Variants in JAKMIP2 observed in about 807,000 individuals in gnomAD.
JAKMIP2 encodes janus kinase and microtubule-interacting protein 2.
JAKMIP2 carries 25 observed loss-of-function variants against 115.0 expected under a neutral mutation model. That is an observed-to-expected ratio of 0.22 (90% CI 0.16 to 0.30). The LOEUF is 0.30. Ranked by LOEUF, JAKMIP2 falls within the 10% of genes least tolerant of loss-of-function variation. The pLI is 1.00. For synonymous variants in JAKMIP2, 334 were observed against 343.6 expected (o/e 0.97, Z 0.31); for missense variants, 642 against 957.6 (o/e 0.67, Z 4.35).
intron 2 of JAKMIP2, among the ~76,000 whole-genome samples, chr5:147,670,909 C>T (rs2126804757): frequency 6.6e-6 from 1 of 152,280 alleles, no homozygotes; most frequent in South Asian, 2.1e-4. Flanking sequence ...TGAGGAGTGA[C>T]AGCACTAAAC....
intron 2 of JAKMIP2, among the ~76,000 whole-genome samples, chr5:147,671,400 G>C (rs1473023532): frequency 6.6e-6 from 1 of 152,158 alleles, no homozygotes; most frequent in African/African-American, 2.4e-5. Flanking sequence ...CGGTGGTAAG[G>C]GACACTGTCT....
intron 7 of JAKMIP2, among the ~76,000 whole-genome samples, chr5:147,643,800 C>T (rs931573956): frequency 4.6e-5 from 7 of 152,156 alleles, no homozygotes; most frequent in Admixed American, 3.3e-4. Context: ...TACAACGAGG[C>T]ATTTAAAAGT....
At chr5:147,706,608 C>A (rs1297717815) in intron 1 of JAKMIP2, among the ~76,000 whole-genome samples, 1 of 152,128 alleles carries the variant, frequency 6.6e-6, no homozygotes, top group Non-Finnish European at 1.5e-5. Flanking sequence ...CACTAGAAAT[C>A]TTTGTATATT....
intron 3 of JAKMIP2, among the ~76,000 whole-genome samples, chr5:147,654,814 G>GT (rs1228456964): frequency 6.6e-6 from 1 of 152,108 alleles, no homozygotes; most frequent in Non-Finnish European, 1.5e-5. Context: ...AATTCTTCCA[G>GT]TTTTTTCCAT....
chr5:147,737,791 T>A (rs1753981010), intron 1 of JAKMIP2, among the ~76,000 whole-genome samples: 1 of 152,196 alleles, frequency 6.6e-6, no homozygotes, highest in African/African-American at 2.4e-5. Context: ...GCATGGAAAT[T>A]TAATATATAG....
intron 11 of JAKMIP2, 31 bp from the exon 12 acceptor site, chr5:147,636,315 A>T (rs780538849): frequency 1.3e-6 from 2 of 1,588,754 alleles, no homozygotes; most frequent in Non-Finnish European, 1.7e-6. Context: ...CGCAGTCAGC[A>T]TTTCAGAGTG....
intron 1 of JAKMIP2, among the ~76,000 whole-genome samples, chr5:147,708,229 A>G (rs1260882962): frequency 1.3e-5 from 2 of 152,202 alleles, no homozygotes; most frequent in African/African-American, 2.4e-5. Flanking sequence ...ATGTAAAGAA[A>G]TGTGGACCGA....
At chr5:147,736,204 C>T (rs1753916002) in intron 1 of JAKMIP2, among the ~76,000 whole-genome samples, 1 of 151,946 alleles carries the variant, frequency 6.6e-6, no homozygotes, top group Admixed American at 6.6e-5. Flanking sequence ...ACCTGTAATC[C>T]CAGCACTTTG....
intron 3 of JAKMIP2, chr5:147,660,660 GTCCT>G: frequency 2.4e-6 from 1 of 409,408 alleles, no homozygotes; most frequent in South Asian, 2.5e-5. Context: ...CATATATATG[GTCCT>G]TGGAGATACT....
Position 147,623,612 on chromosome 5 carries a change from T to C in JAKMIP2, c.2064+9A>G. On this transcript the variant is annotated intron_variant, in intron 17 of 21. Transcript: ENST00000616793. ...TCTTAATTTTTACAATATCTCATCT[T>C]GTACTTACCATGTCACTTTCCAATT... 1 of 1,574,956 alleles carries C rather than the reference T, an allele frequency of 6.3e-7. No homozygotes were observed. Among genetic ancestry groups the C allele is most frequent in the Non-Finnish European group, 8.7e-7 (1 of 1,144,442 alleles).
intron 3 of JAKMIP2, among the ~76,000 whole-genome samples, chr5:147,659,310 C>T (rs541244766): frequency 8.5e-4 from 130 of 152,240 alleles, no homozygotes; most frequent in South Asian, 1.7e-3. Context: ...GCGTGCACTT[C>T]CCACATGAAG....
At chr5:147,739,234 C>T (rs1225672654) in intron 1 of JAKMIP2, among the ~76,000 whole-genome samples, 2 of 152,078 alleles carry the variant, frequency 1.3e-5, no homozygotes, top group Non-Finnish European at 2.9e-5. Flanking sequence ...GAGAAATGCA[C>T]GAGCGGCTTT....
intron 1 of JAKMIP2, among the ~76,000 whole-genome samples, chr5:147,765,110 AT>A (rs1256715009): frequency 6.6e-6 from 1 of 151,486 alleles, no homozygotes; most frequent in Non-Finnish European, 1.5e-5. Context: ...CTCATAATAG[AT>A]ACATTAAAAA....
intron 8 of JAKMIP2, 82 bp from the exon 9 acceptor site, chr5:147,640,905 C>A: frequency 8.0e-7 from 1 of 1,246,416 alleles, no homozygotes; most frequent in Non-Finnish European, 1.1e-6. Flanking sequence ...AACTGGCATA[C>A]GTGTAAGTGA....
At position 147,672,914 on chromosome 5, in the gene JAKMIP2, T is replaced by A. The variant is rs556166729; in HGVS notation, c.-148-960A>T. 4.9e-4 allele frequency among the ~76,000 whole-genome samples: 74 copies of A among 152,302 alleles called. 1 individual carries two copies. In the South Asian group the frequency reaches 0.015, roughly 30 times the overall value. ...TTGATGGGCACTAATATTGGAAAGG[T>A]TTCCTGGAAAGGATAGATGGCGGGG... On this transcript the variant is annotated intron_variant, in intron 1 of 21. Coordinates refer to ENST00000616793, the MANE Select transcript of JAKMIP2 (RefSeq NM_001270941.2).
intron 2 of JAKMIP2, among the ~76,000 whole-genome samples, chr5:147,666,720 CG>C (rs1389563113): frequency 6.6e-6 from 1 of 152,142 alleles, no homozygotes; most frequent in Non-Finnish European, 1.5e-5. Flanking sequence ...TTGGACACCT[CG>C]TATTTGCACC....
At chr5:147,694,944 C>T (rs7713466) in intron 1 of JAKMIP2, among the ~76,000 whole-genome samples, 42,101 of 152,022 alleles carry the variant, frequency 0.28, 6,786 homozygotes, top group East Asian at 0.5. Flanking sequence ...TTTAAGGTTC[C>T]ACACTGGAGG....
chr5:147,759,856 T>C (rs540727592), intron 1 of JAKMIP2, among the ~76,000 whole-genome samples: 257 of 152,176 alleles, frequency 1.7e-3, no homozygotes, highest in South Asian at 3.3e-3. Context: ...GAATTTACCA[T>C]ACAGGGGAGA....
At position 147,662,999 on chromosome 5, in the gene JAKMIP2, A is replaced by C. The variant is rs534459131; in HGVS notation, c.130-1554T>G. ...AGATTCTGTCTCAAAAAAGAAGAAA[A>C]AAAAAAGAAGAGAAAAGGAAGAAAA... is the stretch of plus-strand genomic sequence containing the variant. On this transcript the variant is annotated intron_variant, in intron 2 of 21. Transcript: ENST00000616793. 2.1e-4 allele frequency among the ~76,000 whole-genome samples: 32 copies of C among 152,064 alleles called. No homozygotes were observed. The East Asian group carries it at 6.0e-3, about 29-fold the overall frequency.
Sources: gnomAD v4.1 joint callset for allele counts (sites outside exome capture counted in the v4.1 genomes callset) on GRCh38, gnomAD v4.1.1 for gene constraint, MANE v1.5 for transcripts, NCBI Gene and HGNC (gene_info 2026-07-23, HGNC 2026-07-21) for gene names.